The following NID2 variants were observed in gnomAD, a reference collection of about 807,000 sequenced individuals.
NID2 encodes nidogen 2.
Under a neutral mutation model 145.4 loss-of-function variants are expected in NID2, and 83 were observed. The observed-to-expected ratio is 0.57, with a 90% confidence interval of 0.48 to 0.69. The LOEUF (loss-of-function observed/expected upper bound fraction) is 0.69, where lower values mean the gene tolerates loss of function less well. Among genes scored for constraint, NID2 ranks in the 30% least tolerant of loss-of-function variants. The pLI, the probability that NID2 is intolerant of heterozygous loss-of-function variation, is 0.00. For missense variants in NID2, 1,807 were observed against 1,765.7 expected, an observed-to-expected ratio of 1.02 and a Z score of -0.42; for synonymous variants, 739 against 701.3, an observed-to-expected ratio of 1.05 and a Z score of -0.85.
Position 52,053,739 on chromosome 14 carries a change from G to A in NID2, c.1269C>T (p.Tyr423=), listed in dbSNP as rs779858703. The part of the protein sequence containing the change: ...PYPENGSIQP[Y]PDGGPVPSEM... Reference sequence around the variant, plus strand: ...CCGAAGGCACTGGCCCTCCATCTGGGTAGGGCTGGATGCTTCCGTTTTCGG... The same window carrying A: ...CCGAAGGCACTGGCCCTCCATCTGGATAGGGCTGGATGCTTCCGTTTTCGG... Residue 423 remains tyrosine, a synonymous_variant, in exon 5 of 22, where the codon TAC becomes TAT. Transcript: ENST00000216286. 9.3e-6 allele frequency: 15 copies of A among 1,614,130 alleles called. No individual in the cohort carries two copies. The highest frequency in any genetic ancestry group is 6.7e-5 in the Admixed American group (4 of 60,008).
At chr14:52,006,491 G>T in intron 20 of NID2, 46 bp downstream of exon 20, 1 of 1,610,046 alleles carries the variant, frequency 6.2e-7, no homozygotes, top group South Asian at 1.1e-5. Context: ...TGTGTCCTCT[G>T]GAACAGTTGG....
At chr14:52,040,261 T>G (rs1194018977) in intron 8 of NID2, among the ~76,000 whole-genome samples, 2 of 152,036 alleles carry the variant, frequency 1.3e-5, no homozygotes, top group Non-Finnish European at 2.9e-5. Context: ...ATTTTTTTTT[T>G]TTTTAAAGCA....
chr14:52,011,808 G>A, intron 16 of NID2, 125 bp from the exon 17 acceptor site: 1 of 1,178,234 alleles, frequency 8.5e-7, no homozygotes. Context: ...AGGCAACAGA[G>A]CAGAGTAGCT....
chr14:52,049,512 G>A (rs890859597), intron 5 of NID2, among the ~76,000 whole-genome samples: 1 of 152,054 alleles, frequency 6.6e-6, no homozygotes, highest in African/African-American at 2.4e-5. Flanking sequence ...GACACAGGAG[G>A]CTTCGTGCAC....
At chr14:52,049,048 A>G (rs1194556997) in intron 5 of NID2, among the ~76,000 whole-genome samples, 1 of 152,158 alleles carries the variant, frequency 6.6e-6, no homozygotes, top group Non-Finnish European at 1.5e-5. Flanking sequence ...AAGTTTGCTG[A>G]CACCTCAGGG....
rs529916780 is a variant in NID2 at position 52,069,052 on chromosome 14, C to A, written c.-58G>T. 4.2e-5 allele frequency: 58 copies of A among 1,396,372 alleles called. No homozygotes were observed. In the South Asian group the frequency reaches 5.0e-4, roughly 12 times the overall value. The allele number at this position is 1,396,372 out of a possible 1,614,324, so 86.5% of individuals were successfully genotyped here. On this transcript the variant is annotated 5_prime_UTR_variant, in exon 1 of 22. Coordinates refer to ENST00000216286, the MANE Select transcript of NID2 (RefSeq NM_007361.4). ...ACGCGTCCCGCCCCGGCCTCCAGCC[C>A]ACTCTCCGCGCCGCGCCAGCCTCGA... is the stretch of plus-strand genomic sequence containing the variant.
chr14:52,042,421 A>T, intron 6 of NID2, 71 bp from the exon 7 acceptor site: 2 of 1,502,070 alleles, frequency 1.3e-6, no homozygotes, highest in Non-Finnish European at 8.9e-7. Context: ...AGGTATAATT[A>T]TTCCACTGAC....
intron 9 of NID2, among the ~76,000 whole-genome samples, chr14:52,031,354 TCTA>T (rs1195789978): frequency 6.6e-6 from 1 of 152,204 alleles, no homozygotes; most frequent in African/African-American, 2.4e-5. Flanking sequence ...CTACCCAGTC[TCTA>T]CTGACTGCAC....
rs758458485 is a variant in NID2, at chr14:52,006,649, GT to G, written c.3891del (p.Lys1297AsnfsTer26). On this transcript the variant is annotated frameshift_variant, in exon 20 of 22. Transcript: ENST00000216286. LOFTEE classifies it high-confidence loss of function. ...GTTCCATCAGGTAGTGTACACTCCA[GT>G]TTTTTGGTTCCTTTTAAAACAAAGG... The part of the protein sequence containing the change: ...LLCWADAGTK[K>X]LECTLPDGTG... 4 of 1,613,296 alleles carry G rather than the reference GT, an allele frequency of 2.5e-6. No individual in the cohort carries two copies. Among genetic ancestry groups the G allele is most frequent in the Non-Finnish European group, 3.4e-6 (4 of 1,179,554 alleles).
intron 5 of NID2, among the ~76,000 whole-genome samples, chr14:52,045,885 G>A (rs1430604397): frequency 1.9e-5 from 1 of 53,866 alleles, no homozygotes; most frequent in East Asian, 6.4e-4. Context: ...GGGGCTTTGT[G>A]GAAACTATGC....
At chr14:52,066,047 A>G (rs1379662225) in intron 2 of NID2, among the ~76,000 whole-genome samples, 1 of 151,834 alleles carries the variant, frequency 6.6e-6, no homozygotes, top group Non-Finnish European at 1.5e-5. Context: ...GTCAAATGGT[A>G]TTTCTAGTTT....
intron 17 of NID2, 87 bp from the exon 18 acceptor site, chr14:52,011,134 G>C: frequency 7.6e-7 from 1 of 1,317,998 alleles, no homozygotes; most frequent in Non-Finnish European, 1.1e-6. Context: ...TGGGCAGGGG[G>C]GTCAGCAGGG....
chr14:52,027,169 C>A, intron 12 of NID2, 32 bp downstream of exon 12: 1 of 1,438,158 alleles, frequency 7.0e-7, no homozygotes, highest in South Asian at 1.5e-5. Context: ...AAGCAACTTT[C>A]CAGTCATTGA....
Position 52,029,597 on chromosome 14 carries a change from T to C in NID2, c.2351A>G (p.Tyr784Cys). 6.2e-7 allele frequency: 1 copy of C among 1,613,700 alleles called. No individual in the cohort carries two copies. Among genetic ancestry groups the C allele is most frequent in the Non-Finnish European group, 8.5e-7 (1 of 1,179,756 alleles). ...GTACCCAGATGCGCACTCACAGGTG[T>C]AATCTACACCTGTCCCTGGATGGCA... ...ARCHPGTGVD[Y>C]TCECASGYQG... The change falls in exon 10 of 22, where the codon TAC (tyrosine) becomes TGC (cysteine). Residue 784 changes from tyrosine (Y) to cysteine (C), a missense_variant. Tyr to Cys is a radical substitution (Grantham distance 194). Coordinates refer to ENST00000216286, the MANE Select transcript of NID2 (RefSeq NM_007361.4).
intron 9 of NID2, 75 bp downstream of exon 9, chr14:52,038,672 G>C: frequency 8.3e-7 from 1 of 1,211,324 alleles, no homozygotes; most frequent in South Asian, 1.6e-5. Flanking sequence ...GTAACCCTTA[G>C]TAACCTCTGT....
chr14:52,005,866 A>G lies in NID2; in HGVS notation c.4005-17T>C, dbSNP rs1019196931. 3.2e-6 allele frequency: 5 copies of G among 1,559,152 alleles called. No individual in the cohort carries two copies. Among genetic ancestry groups the G allele is most frequent in the South Asian group, 1.1e-5 (1 of 89,992 alleles). On this transcript the variant is annotated splice_polypyrimidine_tract_variant and intron_variant, in intron 20 of 21. Transcript: ENST00000216286. ...ACACCATCCCTGGTAACAGAAAGGA[A>G]GAGTGAATTCAGGGACAGTCATTTA...
At chr14:52,015,019 A>C in intron 15 of NID2, 35 bp downstream of exon 15, 1 of 1,546,638 alleles carries the variant, frequency 6.5e-7, no homozygotes, top group Non-Finnish European at 8.8e-7. Flanking sequence ...GGCCTTAGAT[A>C]CAGCTGAGGG....
chr14:52,031,989 C>T (rs748051345), intron 9 of NID2, among the ~76,000 whole-genome samples: 2 of 152,230 alleles, frequency 1.3e-5, no homozygotes, highest in Non-Finnish European at 2.9e-5. Context: ...GTGCTGACTG[C>T]TGCAGCTGAC....
At chr14:52,035,639 A>G (rs1409026280) in intron 9 of NID2, among the ~76,000 whole-genome samples, 1 of 149,658 alleles carries the variant, frequency 6.7e-6, no homozygotes, top group Non-Finnish European at 1.5e-5. Context: ...GTACCCGATG[A>G]GAATGGTTTT....
Sources: gnomAD v4.1 joint callset for allele counts (sites outside exome capture counted in the v4.1 genomes callset) on GRCh38, gnomAD v4.1.1 for gene constraint, MANE v1.5 for transcripts, NCBI Gene and HGNC (gene_info 2026-07-23, HGNC 2026-07-21) for gene names.